Variants in APLF observed in about 807,000 individuals in gnomAD.
APLF encodes the protein aprataxin and PNK-like factor.
In APLF, 61 loss-of-function variants were observed where a neutral mutation model predicts 55.6. That is an observed-to-expected ratio of 1.10 (90% CI 0.89 to 1.36). APLF has a LOEUF of 1.36. Ranked by LOEUF, APLF falls within the 40% of genes most tolerant of loss-of-function variation. The pLI is 0.00. For missense variants in APLF, 611 were observed against 602.5 expected, an observed-to-expected ratio of 1.01 and a Z score of -0.15; for synonymous variants, 207 against 214.8, an observed-to-expected ratio of 0.96 and a Z score of 0.32.
At chr2:68,496,173 C>T (rs1676540719) in intron 2 of APLF, among the ~76,000 whole-genome samples, 1 of 152,216 alleles carries the variant, frequency 6.6e-6, no homozygotes. Flanking sequence ...GTGATTTCAG[C>T]TCACTGCAAC....
chr2:68,510,821 C>T (rs1388558826), intron 3 of APLF, among the ~76,000 whole-genome samples: 4 of 151,766 alleles, frequency 2.6e-5, no homozygotes, highest in African/African-American at 7.2e-5. Flanking sequence ...TATAGTCATA[C>T]AGTAGAATAT....
chr2:68,515,381 G>C (rs1194577956), intron 5 of APLF, among the ~76,000 whole-genome samples: 1 of 151,544 alleles, frequency 6.6e-6, no homozygotes, highest in African/African-American at 2.4e-5. Flanking sequence ...AGTGGGGAGG[G>C]GCAGACACTT....
chr2:68,494,524 C>T (rs149554261), intron 2 of APLF, among the ~76,000 whole-genome samples: 19 of 151,800 alleles, frequency 1.3e-4, no homozygotes, highest in East Asian at 5.9e-4. Flanking sequence ...CAGGGATACA[C>T]GTACAGGGTG....
chr2:68,472,934 C>T (rs1675665324), intron 1 of APLF, among the ~76,000 whole-genome samples: 1 of 152,064 alleles, frequency 6.6e-6, no homozygotes, highest in Non-Finnish European at 1.5e-5. Context: ...ATACTCTCTG[C>T]CCTCTTACAT....
rs10185052 is a variant in APLF, at chr2:68,578,785, C to T, written c.*763C>T. Reference sequence around the variant, plus strand: ...TGTCTTTATATTAAGAATAGAGAAACGACATAACTTTCTCAAATGGCATTA... The same window carrying T: ...TGTCTTTATATTAAGAATAGAGAAATGACATAACTTTCTCAAATGGCATTA... On this transcript the variant is annotated 3_prime_UTR_variant, in exon 10 of 10. Transcript: ENST00000303795. 0.088 allele frequency: 86,834 copies of T among 984,642 alleles called. 4,454 individuals carry two copies. Among genetic ancestry groups the T allele is most frequent in the African/African-American group, 0.21 (12,070 of 57,126 alleles). The allele number at this position is 984,642 out of a possible 1,614,324, so 61.0% of individuals were successfully genotyped here.
intron 8 of APLF, among the ~76,000 whole-genome samples, chr2:68,556,181 A>G (rs546825978): frequency 1.3e-5 from 2 of 152,164 alleles, no homozygotes; most frequent in Admixed American, 1.3e-4. Flanking sequence ...GAAAGATACA[A>G]TGGGCTTTGG....
rs192452426 is a variant in APLF at position 68,538,735 on chromosome 2, T to A, written c.1160+508T>A. ...CTTGCTTCATTTATTTACACTGCCCTATATACTCTAATTTCTTATTTTGAG... is the reference window on the plus strand; with the variant it reads ...CTTGCTTCATTTATTTACACTGCCCAATATACTCTAATTTCTTATTTTGAG... On this transcript the variant is annotated intron_variant, in intron 7 of 9. Coordinates refer to ENST00000303795, the MANE Select transcript of APLF (RefSeq NM_173545.3). 3.9e-5 allele frequency among the ~76,000 whole-genome samples: 6 copies of A among 152,346 alleles called. No individual in the cohort carries two copies. In the East Asian group the frequency reaches 1.2e-3, roughly 29 times the overall value.
chr2:68,536,000 A>G (rs1573233771), intron 6 of APLF, among the ~76,000 whole-genome samples: 1 of 152,324 alleles, frequency 6.6e-6, no homozygotes, highest in Middle Eastern at 3.4e-3. Context: ...GGATTTGCTG[A>G]TCTGCTCCAC....
chr2:68,490,303 A>G, intron 2 of APLF, 42 bp downstream of exon 2: 2 of 1,552,660 alleles, frequency 1.3e-6, no homozygotes, highest in South Asian at 2.3e-5. Flanking sequence ...TTCATCTCTT[A>G]CCCTTTCAGT....
At chr2:68,494,969 C>A (rs761073305) in intron 2 of APLF, among the ~76,000 whole-genome samples, 2 of 152,114 alleles carry the variant, frequency 1.3e-5, no homozygotes, top group Non-Finnish European at 2.9e-5. Flanking sequence ...CTAAGTCTCA[C>A]GAGAACTCAT....
intron 9 of APLF, among the ~76,000 whole-genome samples, chr2:68,568,985 A>G (rs920990984): frequency 6.6e-5 from 10 of 152,152 alleles, no homozygotes; most frequent in African/African-American, 2.2e-4. Context: ...GAGTATTTCA[A>G]ATATTAAATG....
intron 6 of APLF, among the ~76,000 whole-genome samples, chr2:68,534,672 C>T (rs1669403106): frequency 6.6e-6 from 1 of 152,200 alleles, no homozygotes; most frequent in African/African-American, 2.4e-5. Context: ...GATTTGGCCA[C>T]TCTATCATGA....
chr2:68,479,781 G>A (rs188702799), intron 1 of APLF, among the ~76,000 whole-genome samples: 1 of 152,228 alleles, frequency 6.6e-6, no homozygotes, highest in East Asian at 1.9e-4. Context: ...CACCAAGTAT[G>A]TCTGCCTTTC....
intron 6 of APLF, among the ~76,000 whole-genome samples, chr2:68,530,811 T>G (rs1489204257): frequency 1.3e-5 from 2 of 152,092 alleles, no homozygotes; most frequent in Non-Finnish European, 2.9e-5. Context: ...ATTTGGCCAC[T>G]CTACATCTTG....
intron 2 of APLF, 39 bp from the exon 3 acceptor site, chr2:68,502,692 C>A: frequency 8.3e-7 from 1 of 1,199,586 alleles, no homozygotes; most frequent in Non-Finnish European, 1.1e-6. Flanking sequence ...GTATTATATT[C>A]TTTTTTAAAT....
chr2:68,482,220 A>G (rs542154497), intron 1 of APLF, among the ~76,000 whole-genome samples: 1 of 151,554 alleles, frequency 6.6e-6, no homozygotes, highest in African/African-American at 2.4e-5. Flanking sequence ...TGCCTCTTCT[A>G]ATTTTATGCA....
At chr2:68,533,742 C>T (rs1482829463) in intron 6 of APLF, among the ~76,000 whole-genome samples, 1 of 152,164 alleles carries the variant, frequency 6.6e-6, no homozygotes, top group African/African-American at 2.4e-5. Context: ...GCATCTTCAC[C>T]TGACATCTGG....
chr2:68,524,423 G>C (rs1669976063), intron 5 of APLF, among the ~76,000 whole-genome samples: 1 of 152,134 alleles, frequency 6.6e-6, no homozygotes, highest in Admixed American at 6.5e-5. Context: ...TACAGCCCAT[G>C]GGCCAAATTA....
rs554243471 is a variant in APLF at position 68,578,002 on chromosome 2, A to C, written c.1516A>C (p.Arg506=). The change falls in exon 10 of 10, where the codon AGG becomes CGG. Residue 506 remains arginine, a synonymous_variant. Coordinates refer to ENST00000303795, the MANE Select transcript of APLF (RefSeq NM_173545.3). ...DVEELLKEAK[R]FMKRK Reference sequence around the variant, plus strand: ...GGAAGAGCTTTTGAAAGAAGCAAAAAGGTTTATGAAAAGAAAATAGTAACT... The same window carrying C: ...GGAAGAGCTTTTGAAAGAAGCAAAACGGTTTATGAAAAGAAAATAGTAACT... 49 of 1,612,750 alleles carry C rather than the reference A, an allele frequency of 3.0e-5. No homozygotes were observed. In the South Asian group the frequency reaches 5.4e-4, roughly 18 times the overall value.
Sources: allele counts gnomAD v4.1 joint callset (sites outside exome capture counted in the v4.1 genomes callset), GRCh38; gene constraint gnomAD v4.1.1; transcripts MANE v1.5; gene names NCBI Gene and HGNC (gene_info 2026-07-23, HGNC 2026-07-21).